CUL3: variants seen among roughly 807,000 people sequenced by gnomAD.
The protein encoded by CUL3 is cullin-3.
Under a neutral mutation model 89.1 loss-of-function variants are expected in CUL3, and 19 were observed. The observed-to-expected ratio is 0.21, with a 90% confidence interval of 0.15 to 0.31. CUL3 has a LOEUF of 0.31. CUL3 is among the 10% of genes least tolerant of loss of function. CUL3 has a pLI of 1.00. For missense variants in CUL3, 469 were observed against 942.3 expected (o/e 0.50, Z 6.58); for synonymous variants, 351 against 308.4 (o/e 1.14, Z -1.45).
intron 2 of CUL3, among the ~76,000 whole-genome samples, chr2:224,541,434 G>T (rs2106275429): frequency 6.6e-6 from 1 of 152,332 alleles, no homozygotes; most frequent in East Asian, 1.9e-4. Flanking sequence ...GATGCTGACA[G>T]TATCAACTGC....
chr2:224,569,186 CAAT>C (rs1695119760), intron 1 of CUL3, among the ~76,000 whole-genome samples: 2 of 152,098 alleles, frequency 1.3e-5, no homozygotes, highest in Non-Finnish European at 2.9e-5. Context: ...GATTAAGTTG[CAAT>C]AACTGCAAAT....
intron 2 of CUL3, among the ~76,000 whole-genome samples, chr2:224,549,282 C>G (rs956567245): frequency 1.0e-4 from 15 of 150,486 alleles, no homozygotes; most frequent in Non-Finnish European, 2.2e-4. Context: ...GCGCCAACTG[C>G]ACTCCAGCCT....
intron 13 of CUL3, among the ~76,000 whole-genome samples, chr2:224,484,827 A>T (rs547952547): frequency 6.6e-6 from 1 of 152,178 alleles, no homozygotes; most frequent in Non-Finnish European, 1.5e-5. Flanking sequence ...AGAAACGACA[A>T]ATTTGAGATC....
chr2:224,518,491 G>C (rs1367014875), intron 3 of CUL3, among the ~76,000 whole-genome samples: 2 of 152,142 alleles, frequency 1.3e-5, no homozygotes, highest in Non-Finnish European at 2.9e-5. Flanking sequence ...GATTCTAAGA[G>C]AGGAATTACT....
intron 3 of CUL3, among the ~76,000 whole-genome samples, chr2:224,515,514 G>A (rs994576900): frequency 2.0e-5 from 3 of 152,124 alleles, no homozygotes; most frequent in Non-Finnish European, 4.4e-5. Flanking sequence ...GGGTCTGTGA[G>A]CCTTCTAAAA....
intron 3 of CUL3, among the ~76,000 whole-genome samples, chr2:224,528,598 C>T (rs969171372): frequency 2.0e-5 from 3 of 152,170 alleles, no homozygotes; most frequent in Admixed American, 6.5e-5. Flanking sequence ...TTCTGTCACC[C>T]TAAACTGATG....
At chr2:224,577,546 G>T (rs1450187400) in intron 1 of CUL3, among the ~76,000 whole-genome samples, 5 of 146,988 alleles carry the variant, frequency 3.4e-5, no homozygotes, top group Non-Finnish European at 1.5e-5. Flanking sequence ...TCCAGCCTGG[G>T]TGACAGAGCG....
At chr2:224,577,735 CAT>C (rs1695335894) in intron 1 of CUL3, among the ~76,000 whole-genome samples, 1 of 152,168 alleles carries the variant, frequency 6.6e-6, no homozygotes, top group Non-Finnish European at 1.5e-5. Context: ...ACAGACTATT[CAT>C]AGTTTTATTC....
intron 1 of CUL3, among the ~76,000 whole-genome samples, chr2:224,582,551 T>A (rs1270844705): frequency 6.6e-6 from 1 of 152,228 alleles, no homozygotes; most frequent in Non-Finnish European, 1.5e-5. Flanking sequence ...CAGCAGCTAT[T>A]AACTACTGAA....
In CUL3 at chr2:224,474,344, T is replaced by G. The variant is rs1050340034; in HGVS notation, c.2208A>C (p.Pro736=). The G allele has an allele frequency of 1.2e-6, 2 of 1,613,726 alleles. No homozygotes were observed. The highest frequency in any genetic ancestry group is 1.7e-6 in the Non-Finnish European group (2 of 1,179,890). The change falls in exon 16 of 16, where the codon CCA becomes CCC. Residue 736 remains proline, a synonymous_variant. Coordinates refer to ENST00000264414, the MANE Select transcript of CUL3 (RefSeq NM_003590.5). The part of the protein sequence containing the change: ...VTQQLKARFL[P]SPVVIKKRIE... The stretch of plus-strand genomic sequence containing the variant: ...TACGTTTCTTAATAACAACTGGACT[T>G]GGTAAGAATCGCGCCTTCAACTGCT...
At chr2:224,557,905 A>AAAAAAAAAAAAAAAAAAAAAG in intron 1 of CUL3, 49 bp from the exon 2 acceptor site, 1 of 1,043,650 alleles carries the variant, frequency 9.6e-7, no homozygotes. Context: ...AAAAAAAAAA[A>AAAAAAAAAAAAAAAAAAAAAG]CCAATGGTTG....
At chr2:224,518,439 T>C (rs1474983627) in intron 3 of CUL3, among the ~76,000 whole-genome samples, 1 of 152,206 alleles carries the variant, frequency 6.6e-6, no homozygotes, top group African/African-American at 2.4e-5. Flanking sequence ...AACATTTGGG[T>C]ACAATATTTT....
At position 224,506,104 on chromosome 2, in the gene CUL3, T is replaced by G. The variant is rs1189209020; in HGVS notation, c.1058A>C (p.Asp353Ala). Residue 353 changes from aspartate to alanine, a missense_variant, in exon 8 of 16, where the codon GAT becomes GCT. Transcript: ENST00000264414. The part of the protein sequence containing the change: ...QGLLDLKSRF[D>A]RFLLESFNND... ...GTTGAATGATTCCAGGAGGAAGCGATCGAACCTACTCTTCAGATCCAATAA... is the reference window on the plus strand; with the variant it reads ...GTTGAATGATTCCAGGAGGAAGCGAGCGAACCTACTCTTCAGATCCAATAA... 6.2e-7 allele frequency: 1 copy of G among 1,604,572 alleles called. No homozygotes were observed. Among genetic ancestry groups the G allele is most frequent in the Non-Finnish European group, 8.5e-7 (1 of 1,175,246 alleles).
intron 13 of CUL3, among the ~76,000 whole-genome samples, chr2:224,488,155 A>G (rs1382258710): frequency 1.3e-5 from 2 of 152,218 alleles, no homozygotes; most frequent in African/African-American, 4.8e-5. Flanking sequence ...GGAAAGATCT[A>G]AAATTGACAC....
At chr2:224,522,272 T>C (rs1485795896) in intron 3 of CUL3, among the ~76,000 whole-genome samples, 1 of 152,102 alleles carries the variant, frequency 6.6e-6, no homozygotes, top group African/African-American at 2.4e-5. Flanking sequence ...AAATTTTAAA[T>C]GAGCAGAAAA....
intron 13 of CUL3, among the ~76,000 whole-genome samples, chr2:224,486,286 C>T (rs1210126568): frequency 6.6e-6 from 1 of 152,130 alleles, no homozygotes; most frequent in Non-Finnish European, 1.5e-5. Flanking sequence ...CAGAAGTAGG[C>T]TTCAGAAGGT....
At chr2:224,541,299 C>G (rs1226436414) in intron 2 of CUL3, among the ~76,000 whole-genome samples, 1 of 151,634 alleles carries the variant, frequency 6.6e-6, no homozygotes, top group African/African-American at 2.4e-5. Context: ...AGACACTTCA[C>G]CAAAGAGGAT....
At chr2:224,578,367 T>C (rs939346986) in intron 1 of CUL3, among the ~76,000 whole-genome samples, 1 of 152,194 alleles carries the variant, frequency 6.6e-6, no homozygotes, top group Non-Finnish European at 1.5e-5. Flanking sequence ...TTATCTTACC[T>C]TAATTTTACT....
At position 224,474,319 on chromosome 2, in the gene CUL3, T is replaced by C; in HGVS notation, c.2233A>G (p.Ile745Val). The change falls in exon 16 of 16, where the codon ATT becomes GTT. Residue 745 changes from isoleucine to valine, a missense_variant. Transcript: ENST00000264414. ...LPSPVVIKKR[I>V]EGLIEREYLA... is the part of the protein sequence containing the mutation. ...TATTCTCTCTCAATAAGTCCTTCAA[T>C]ACGTTTCTTAATAACAACTGGACTT... The C allele has an allele frequency of 1.2e-6, 2 of 1,614,004 alleles. No individual in the cohort carries two copies. The highest frequency in any genetic ancestry group is 1.7e-6 in the Non-Finnish European group (2 of 1,179,882).
Sources: gnomAD v4.1 joint callset for allele counts (sites outside exome capture counted in the v4.1 genomes callset) on GRCh38, gnomAD v4.1.1 for gene constraint, MANE v1.5 for transcripts, NCBI Gene and HGNC (gene_info 2026-07-23, HGNC 2026-07-21) for gene names.